Variants in SCHIP1 observed in about 807,000 individuals in gnomAD.
The protein encoded by SCHIP1 is schwannomin interacting protein 1.
A neutral mutation model predicts 29.7 loss-of-function variants in SCHIP1; 8 were observed. The ratio of observed to expected loss-of-function variants is 0.27; its 90% CI spans 0.16 to 0.49. SCHIP1 has a LOEUF of 0.49. SCHIP1 is among the 20% of genes least tolerant of loss of function. SCHIP1 has a pLI of 0.99. For synonymous variants in SCHIP1, 76 were observed against 94.9 expected (o/e 0.80, Z 1.16); for missense variants, 193 against 294.6 (o/e 0.66, Z 2.52).
At chr3:159,473,344 T>A in the SCHIP1 span, among the ~76,000 whole-genome samples, 1 of 152,124 alleles carries the variant, frequency 6.6e-6, no homozygotes, top group Non-Finnish European at 1.5e-5. Context: ...TGTTACTTTG[T>A]CATCTAAATG....
chr3:159,714,752 C>T, the SCHIP1 span, among the ~76,000 whole-genome samples: 2 of 152,230 alleles, frequency 1.3e-5, no homozygotes, highest in Admixed American at 6.5e-5. Flanking sequence ...CTGGGAAGCT[C>T]GAACTGGGTG....
At chr3:159,880,648 G>T (rs868112202) in intron 2 of SCHIP1, among the ~76,000 whole-genome samples, 2 of 152,340 alleles carry the variant, frequency 1.3e-5, no homozygotes, top group Middle Eastern at 3.4e-3. Flanking sequence ...TAGAAAGTGT[G>T]TGCCCTGGCT....
At chr3:159,747,522 C>T in the SCHIP1 span, among the ~76,000 whole-genome samples, 3 of 152,156 alleles carry the variant, frequency 2.0e-5, no homozygotes, top group African/African-American at 7.2e-5. Flanking sequence ...TAGGATGAGA[C>T]AAATATAGGT....
chr3:159,543,619 G>A, the SCHIP1 span, among the ~76,000 whole-genome samples: 1 of 151,472 alleles, frequency 6.6e-6, no homozygotes, highest in Non-Finnish European at 1.5e-5. Flanking sequence ...GTCTATCATT[G>A]TTGGACATTT....
the SCHIP1 span, among the ~76,000 whole-genome samples, chr3:159,502,209 G>T: frequency 6.6e-6 from 1 of 152,116 alleles, no homozygotes. Context: ...TACTAACCTC[G>T]TCATACTGAT....
the SCHIP1 span, among the ~76,000 whole-genome samples, chr3:159,389,441 G>C: frequency 2.6e-5 from 4 of 151,986 alleles, no homozygotes; most frequent in Non-Finnish European, 5.9e-5. Context: ...TACATAGGGG[G>C]AATAAGCACA....
At chr3:159,619,939 C>T in the SCHIP1 span, among the ~76,000 whole-genome samples, 1 of 152,122 alleles carries the variant, frequency 6.6e-6, no homozygotes, top group Non-Finnish European at 1.5e-5. Flanking sequence ...CAGTTCTTTA[C>T]CAAGTAGTAA....
At chr3:159,342,659 T>C in the SCHIP1 span, among the ~76,000 whole-genome samples, 3 of 152,224 alleles carry the variant, frequency 2.0e-5, no homozygotes, top group Admixed American at 1.3e-4. Flanking sequence ...GAAAGATTGT[T>C]GACTTTGCCA....
At chr3:159,842,719 C>G (rs887323462) in intron 1 of SCHIP1, among the ~76,000 whole-genome samples, 1 of 151,802 alleles carries the variant, frequency 6.6e-6, no homozygotes, top group Non-Finnish European at 1.5e-5. Context: ...CCTATCCACC[C>G]CCTCCCCGCC....
the SCHIP1 span, among the ~76,000 whole-genome samples, chr3:159,699,980 G>C: frequency 2.0e-5 from 3 of 152,090 alleles, no homozygotes; most frequent in Non-Finnish European, 4.4e-5. Flanking sequence ...GATACAATGG[G>C]TGCAATTGGT....
At chr3:159,409,200 TA>T in the SCHIP1 span, among the ~76,000 whole-genome samples, 1 of 151,878 alleles carries the variant, frequency 6.6e-6, no homozygotes, top group Admixed American at 6.6e-5. Flanking sequence ...GAGGAAAAAC[TA>T]AAAGCCTTTT....
the SCHIP1 span, among the ~76,000 whole-genome samples, chr3:159,624,596 G>A: frequency 6.6e-6 from 1 of 152,108 alleles, no homozygotes; most frequent in Non-Finnish European, 1.5e-5. Flanking sequence ...ATGGATTATC[G>A]ACTCACCCAC....
At chr3:159,303,166 G>A in the SCHIP1 span, among the ~76,000 whole-genome samples, 1 of 152,108 alleles carries the variant, frequency 6.6e-6, no homozygotes, top group Non-Finnish European at 1.5e-5. Context: ...GACAGGCAGA[G>A]ATGGGAGCAC....
intron 6 of SCHIP1, 98 bp downstream of exon 7, chr3:159,892,288 C>T (rs1175370524): frequency 4.3e-6 from 6 of 1,400,428 alleles, no homozygotes; most frequent in South Asian, 2.5e-5. Flanking sequence ...TCTTCCTCTA[C>T]TTCCATAAAT....
At chr3:159,698,953 G>C in the SCHIP1 span, among the ~76,000 whole-genome samples, 2 of 152,100 alleles carry the variant, frequency 1.3e-5, no homozygotes, top group African/African-American at 2.4e-5. Context: ...TCTGGGTTTA[G>C]TTACTTCTAA....
the SCHIP1 span, among the ~76,000 whole-genome samples, chr3:159,422,655 G>T: frequency 6.6e-6 from 1 of 152,094 alleles, no homozygotes; most frequent in Non-Finnish European, 1.5e-5. Context: ...GTATGGATTA[G>T]TTCTCCCTTC....
the SCHIP1 span, among the ~76,000 whole-genome samples, chr3:159,669,948 T>A: frequency 7.9e-5 from 12 of 152,048 alleles, no homozygotes; most frequent in Non-Finnish European, 1.6e-4. Context: ...GCTGCGTGAG[T>A]CAGTGTCTAT....
the SCHIP1 span, among the ~76,000 whole-genome samples, chr3:159,658,618 C>G: frequency 6.6e-6 from 1 of 152,164 alleles, no homozygotes; most frequent in Non-Finnish European, 1.5e-5. Flanking sequence ...TTTATACTCA[C>G]TCCATTGGGC....
At chr3:159,827,852 T>C in the SCHIP1 span, among the ~76,000 whole-genome samples, 1 of 151,842 alleles carries the variant, frequency 6.6e-6, no homozygotes, top group Non-Finnish European at 1.5e-5. Context: ...GGAAATATTT[T>C]TTTAAATAGT....
Sources: gnomAD v4.1 joint callset for allele counts (sites outside exome capture counted in the v4.1 genomes callset) on GRCh38, gnomAD v4.1.1 for gene constraint, MANE v1.5 for transcripts, NCBI Gene and HGNC (gene_info 2026-07-23, HGNC 2026-07-21) for gene names.